Variants in EFCAB6 observed in about 807,000 individuals in gnomAD.
The protein encoded by EFCAB6 is EF-hand calcium binding domain 6.
Under a neutral mutation model 169.8 loss-of-function variants are expected in EFCAB6, and 156 were observed. The ratio of observed to expected loss-of-function variants is 0.92; its 90% CI spans 0.81 to 1.05. The LOEUF is 1.05. Ranked by LOEUF, EFCAB6 falls within the 50% of genes least tolerant of loss-of-function variation. The probability of loss-of-function intolerance (pLI) is 0.00; values close to 1 mark genes in which losing one functional copy is unlikely to be tolerated. For missense variants in EFCAB6, 1,800 were observed against 1,829.1 expected, an observed-to-expected ratio of 0.98 and a Z score of 0.29; for synonymous variants, 698 against 676.4, an observed-to-expected ratio of 1.03 and a Z score of -0.50.
Position 43,576,377 on chromosome 22 carries a change from A to C in EFCAB6, c.3340T>G (p.Leu1114Val). Residue 1114 changes from leucine to valine, a missense_variant, in exon 26 of 32, where the codon TTG becomes GTG. By Grantham distance (32) the Leu-to-Val change is conservative (BLOSUM62 1). Coordinates refer to ENST00000262726, the MANE Select transcript of EFCAB6 (RefSeq NM_022785.4). ...KLTDNQYHYF[L>V]RKLRIHLTPY... ...GTTAGATGAATTCTTAGTTTCCTCA[A>C]AAAATAATGATACTGATTGTCCGTT... The C allele has an allele frequency of 1.9e-6, 3 of 1,602,000 alleles. No homozygotes were observed. Among genetic ancestry groups the C allele is most frequent in the Non-Finnish European group, 2.5e-6 (3 of 1,176,880 alleles).
intron 27 of EFCAB6, chr22:43,552,827 A>G (rs2048459494): frequency 6.6e-6 from 1 of 152,136 alleles, no homozygotes; most frequent in Non-Finnish European, 1.5e-5. Flanking sequence ...TTATTAGTAA[A>G]ACCTTGATTA....
intron 5 of EFCAB6, among the ~76,000 whole-genome samples, chr22:43,757,711 G>A (rs973842593): frequency 6.6e-6 from 1 of 152,062 alleles, no homozygotes; most frequent in African/African-American, 2.4e-5. Context: ...TCAAGGCTTT[G>A]TCAGGTCTGC....
At chr22:43,702,629 C>A (rs2058808666) in intron 10 of EFCAB6, among the ~76,000 whole-genome samples, 1 of 152,138 alleles carries the variant, frequency 6.6e-6, no homozygotes, top group Non-Finnish European at 1.5e-5. Context: ...ACCTCAAAGG[C>A]AACACAGGGA....
At chr22:43,799,865 C>G (rs187033727) in intron 2 of EFCAB6, among the ~76,000 whole-genome samples, 10 of 152,186 alleles carry the variant, frequency 6.6e-5, no homozygotes, top group African/African-American at 2.4e-4. Flanking sequence ...CTGCCTGGCA[C>G]CAAGCATGCA....
intron 20 of EFCAB6, among the ~76,000 whole-genome samples, chr22:43,621,947 A>C (rs1191136398): frequency 6.6e-6 from 1 of 152,232 alleles, no homozygotes; most frequent in Non-Finnish European, 1.5e-5. Context: ...GATGACCAAT[A>C]TTTTGAAAGA....
chr22:43,794,693 A>T (rs1472148259), intron 2 of EFCAB6, among the ~76,000 whole-genome samples: 1 of 152,216 alleles, frequency 6.6e-6, no homozygotes, highest in Non-Finnish European at 1.5e-5. Context: ...AGCCATCTAC[A>T]TACAGTTCTA....
intron 17 of EFCAB6, among the ~76,000 whole-genome samples, chr22:43,645,751 T>TA (rs2056113901): frequency 6.6e-6 from 1 of 152,222 alleles, no homozygotes; most frequent in African/African-American, 2.4e-5. Context: ...CTGCATTTCT[T>TA]AGAGTGTTTT....
intron 2 of EFCAB6, among the ~76,000 whole-genome samples, chr22:43,805,283 G>T (rs1468533934): frequency 6.6e-6 from 1 of 152,116 alleles, no homozygotes; most frequent in African/African-American, 2.4e-5. Flanking sequence ...TGTTAAAATG[G>T]CAATACTACC....
intron 12 of EFCAB6, among the ~76,000 whole-genome samples, chr22:43,682,139 T>C (rs1377431675): frequency 3.3e-5 from 5 of 151,718 alleles, no homozygotes; most frequent in African/African-American, 1.2e-4. Flanking sequence ...CGTAGTGGGG[T>C]GCATGGTGGG....
intron 30 of EFCAB6, 64 bp from the exon 31 acceptor site, chr22:43,531,028 T>TCCTCGCCTCGC (rs1555909212): frequency 2.3e-5 from 36 of 1,598,518 alleles, no homozygotes; most frequent in Non-Finnish European, 2.9e-5. Flanking sequence ...GGTGGGCTCC[T>TCCTCGCCTCGC]CCTCGCCTCG....
At chr22:43,617,907 G>C (rs1216071515) in intron 20 of EFCAB6, among the ~76,000 whole-genome samples, 1 of 151,824 alleles carries the variant, frequency 6.6e-6, no homozygotes, top group Non-Finnish European at 1.5e-5. Flanking sequence ...TTTGAGACCA[G>C]CCTGGCCAAC....
In EFCAB6 at chr22:43,630,466, C is replaced by T. The variant is rs184594022; in HGVS notation, c.2232+1639G>A. On this transcript the variant is annotated intron_variant, in intron 19 of 31. Transcript: ENST00000262726. ...ACTGATCGTAAAGATAGGAAAGCAA[C>T]GATGTAGCGTGGAGCTGGGCTTCCC... is the stretch of plus-strand genomic sequence containing the variant. Among the ~76,000 whole-genome samples the T allele has an allele frequency of 6.4e-4, 98 of 152,286 alleles. 1 individual carries two copies. In the Middle Eastern group the frequency reaches 0.01, roughly 16 times the overall value.
At chr22:43,638,505 C>T (rs1035341949) in intron 17 of EFCAB6, among the ~76,000 whole-genome samples, 6 of 152,164 alleles carry the variant, frequency 3.9e-5, no homozygotes, top group African/African-American at 1.2e-4. Flanking sequence ...CGTTGCTGGG[C>T]CCTCTCTGTG....
intron 27 of EFCAB6, chr22:43,553,184 A>T (rs1310498473): frequency 6.6e-6 from 1 of 152,178 alleles, no homozygotes; most frequent in Non-Finnish European, 1.5e-5. Flanking sequence ...ACTCTGACAA[A>T]ATGAGACAAG....
chr22:43,692,433 T>A (rs2058443014), intron 10 of EFCAB6, among the ~76,000 whole-genome samples: 1 of 152,174 alleles, frequency 6.6e-6, no homozygotes, highest in African/African-American at 2.4e-5. Context: ...AATATTGGCA[T>A]TAACATGCAG....
chr22:43,641,023 T>C (rs2055760683), intron 17 of EFCAB6, among the ~76,000 whole-genome samples: 1 of 152,154 alleles, frequency 6.6e-6, no homozygotes, highest in Non-Finnish European at 1.5e-5. Context: ...TTTACTTCCA[T>C]AGATAGTCCC....
chr22:43,551,036 T>G (rs2048351307), intron 27 of EFCAB6, among the ~76,000 whole-genome samples: 1 of 152,190 alleles, frequency 6.6e-6, no homozygotes, highest in South Asian at 2.1e-4. Flanking sequence ...TTGGATTTTT[T>G]AAAGTAGGAG....
chr22:43,811,232 A>G (rs191119831), intron 1 of EFCAB6, among the ~76,000 whole-genome samples: 1 of 145,878 alleles, frequency 6.9e-6, no homozygotes, highest in Non-Finnish European at 1.5e-5. Context: ...GTGAGCTGGG[A>G]TCGCTGCACT....
chr22:43,683,317 T>G (rs2058073657), intron 12 of EFCAB6, among the ~76,000 whole-genome samples: 1 of 152,178 alleles, frequency 6.6e-6, no homozygotes, highest in South Asian at 2.1e-4. Context: ...ATTAAAAAAT[T>G]AAGTAGGCTA....
Sources: gnomAD v4.1 joint callset for allele counts (sites outside exome capture counted in the v4.1 genomes callset) on GRCh38, gnomAD v4.1.1 for gene constraint, MANE v1.5 for transcripts, NCBI Gene and HGNC (gene_info 2026-07-23, HGNC 2026-07-21) for gene names.